Variants in NF1 observed in about 807,000 individuals in gnomAD.
The protein encoded by NF1 is neurofibromin.
NF1 carries 122 observed loss-of-function variants against 325.7 expected under a neutral mutation model. The observed-to-expected ratio is 0.37, with a 90% confidence interval of 0.32 to 0.44. The LOEUF (loss-of-function observed/expected upper bound fraction) is 0.44. Among genes scored for constraint, NF1 ranks in the 20% least tolerant of loss-of-function variants. NF1 has a pLI of 1.00. For synonymous variants in NF1, 1,091 were observed against 1,186.0 expected (o/e 0.92, Z 1.65); for missense variants, 2,140 against 3,415.4 (o/e 0.63, Z 9.31).
At chr17:31,159,957 T>C (rs973539723) in intron 3 of NF1, among the ~76,000 whole-genome samples, 3 of 152,084 alleles carry the variant, frequency 2.0e-5, no homozygotes, top group African/African-American at 7.2e-5. Context: ...CCTTAATATA[T>C]GAGGACTGAT....
intron 31 of NF1, among the ~76,000 whole-genome samples, chr17:31,255,195 T>G (rs924622998): frequency 6.6e-6 from 1 of 152,314 alleles, no homozygotes; most frequent in South Asian, 2.1e-4. Flanking sequence ...CTTGCTGAAG[T>G]GTAGTTTATG....
intron 5 of NF1, among the ~76,000 whole-genome samples, chr17:31,179,228 A>G (rs1047717717): frequency 1.3e-5 from 2 of 152,222 alleles, no homozygotes; most frequent in Non-Finnish European, 2.9e-5. Context: ...CCACACAACT[A>G]CATGGAAACT....
rs933313803 is a variant in NF1 at position 31,190,013 on chromosome 17, G to A, written c.888+7348G>A. Among the ~76,000 whole-genome samples, 43 of 150,454 alleles carry A rather than the reference G, an allele frequency of 2.9e-4. 1 individual carries two copies. The highest frequency in any genetic ancestry group is 5.3e-4 in the Admixed American group (8 of 15,094). On this transcript the variant is annotated intron_variant, in intron 8 of 57. Transcript: ENST00000358273. The stretch of plus-strand genomic sequence containing the variant: ...TGACCTCAGGTGATCTGCCTGCCTC[G>A]GGCCTCCCAAAGTGCTGGGATTACA...
At chr17:31,260,324 G>A (rs2151464343) in intron 33 of NF1, 45 bp from the exon 34 acceptor site, 1 of 1,589,088 alleles carries the variant, frequency 6.3e-7, no homozygotes, top group Non-Finnish European at 8.6e-7. Context: ...CATAAGTCTG[G>A]GTGTATCTGG....
intron 4 of NF1, among the ~76,000 whole-genome samples, chr17:31,167,773 A>T (rs1342283123): frequency 6.6e-6 from 1 of 152,202 alleles, no homozygotes; most frequent in Non-Finnish European, 1.5e-5. Context: ...TTCTTTTATC[A>T]GTTTAAAAAT....
intron 36 of NF1, among the ~76,000 whole-genome samples, chr17:31,289,570 T>C (rs2068307029): frequency 6.6e-6 from 1 of 152,198 alleles, no homozygotes. Context: ...TTTTAATACA[T>C]GGTTCTATGT....
At chr17:31,364,963 G>GC (rs1464487953) in intron 57 of NF1, among the ~76,000 whole-genome samples, 1 of 152,158 alleles carries the variant, frequency 6.6e-6, no homozygotes, top group Non-Finnish European at 1.5e-5. Context: ...GTCCAGTCTA[G>GC]CTGAGCTGGA....
At chr17:31,314,166 A>T (rs2068962198) in intron 36 of NF1, 1 of 394,504 alleles carries the variant, frequency 2.5e-6, no homozygotes, top group African/African-American at 2.1e-5. Context: ...AATAAACCAC[A>T]AAGTGACTAA....
chr17:31,330,955 AG>A (rs2069470573), intron 39 of NF1: 1 of 155,686 alleles, frequency 6.4e-6, no homozygotes, highest in Non-Finnish European at 1.4e-5. Flanking sequence ...CACATAATAC[AG>A]GGCCCAGAGT....
chr17:31,249,529 T>G (rs1010068054), intron 30 of NF1, among the ~76,000 whole-genome samples: 1 of 152,228 alleles, frequency 6.6e-6, no homozygotes, highest in Non-Finnish European at 1.5e-5. Context: ...ATCTGTGATT[T>G]TGGTTTCTTC....
intron 29 of NF1, 31 bp from the exon 30 acceptor site, chr17:31,248,953 G>C (rs2151451199): frequency 5.0e-6 from 8 of 1,610,482 alleles, no homozygotes; most frequent in South Asian, 1.1e-5. Context: ...TTAAACAAAA[G>C]TGTTAGGATT....
chr17:31,175,345 C>CTTTTTTT (rs869113407), intron 5 of NF1, among the ~76,000 whole-genome samples: 112 of 71,342 alleles, frequency 1.6e-3, no homozygotes, highest in Non-Finnish European at 1.9e-3. Flanking sequence ...TGTGCTTTTG[C>CTTTTTTT]TTTTTTTTTT....
intron 14 of NF1, among the ~76,000 whole-genome samples, chr17:31,221,544 AT>A (rs2066920620): frequency 6.6e-6 from 1 of 152,046 alleles, no homozygotes; most frequent in Non-Finnish European, 1.5e-5. Context: ...TATTGAAATT[AT>A]TTTGTTTGTT....
At chr17:31,258,247 C>G in intron 31 of NF1, 97 bp from the exon 32 acceptor site, 1 of 1,311,172 alleles carries the variant, frequency 7.6e-7, no homozygotes, top group African/African-American at 1.5e-5. Context: ...CTGATTGATT[C>G]AGAGTTTTTA....
At chr17:31,141,943 T>G (rs1414824636) in intron 1 of NF1, among the ~76,000 whole-genome samples, 2 of 152,196 alleles carry the variant, frequency 1.3e-5, no homozygotes, top group South Asian at 2.1e-4. Flanking sequence ...ATTTTCTTTG[T>G]TTTTTCTCTC....
In NF1 at chr17:31,231,241, G is replaced by T. The variant is rs549841469; in HGVS notation, c.3197+316G>T. 5.9e-5 allele frequency among the ~76,000 whole-genome samples: 9 copies of T among 152,194 alleles called. No homozygotes were observed. In the South Asian group the frequency reaches 1.4e-3, roughly 25 times the overall value. ...TTGTGTTATGATTAGATAGATAAAGGTATTATTTGAGGAACTCATTGTGTT... is the reference window on the plus strand; with the variant it reads ...TTGTGTTATGATTAGATAGATAAAGTTATTATTTGAGGAACTCATTGTGTT... On this transcript the variant is annotated intron_variant, in intron 24 of 57. Coordinates refer to ENST00000358273, the MANE Select transcript of NF1 (RefSeq NM_001042492.3).
chr17:31,100,510 A>G (rs1036311352), intron 1 of NF1, among the ~76,000 whole-genome samples: 1 of 152,144 alleles, frequency 6.6e-6, no homozygotes, highest in African/African-American at 2.4e-5. Flanking sequence ...ATCGAGCACA[A>G]TAATGCTTAT....
At chr17:31,106,359 T>C (rs180766143) in intron 1 of NF1, among the ~76,000 whole-genome samples, 1 of 152,272 alleles carries the variant, frequency 6.6e-6, no homozygotes, top group African/African-American at 2.4e-5. Flanking sequence ...TGTGCAGTAT[T>C]TTTTTTCTAT....
chr17:31,291,615 G>A (rs1207834719), intron 36 of NF1, among the ~76,000 whole-genome samples: 6 of 152,068 alleles, frequency 3.9e-5, no homozygotes, highest in African/African-American at 4.8e-5. Context: ...ATTTTATAAG[G>A]AAAAATTTTA....
Sources: allele counts gnomAD v4.1 joint callset (sites outside exome capture counted in the v4.1 genomes callset), GRCh38; gene constraint gnomAD v4.1.1; transcripts MANE v1.5; gene names NCBI Gene and HGNC (gene_info 2026-07-23, HGNC 2026-07-21).